The following ADK variants were observed in gnomAD, a reference collection of about 807,000 sequenced individuals.
The protein encoded by ADK is adenosine kinase.
In ADK, 24 loss-of-function variants were observed where a neutral mutation model predicts 44.7. That is an observed-to-expected ratio of 0.54 (90% CI 0.39 to 0.76). The LOEUF (loss-of-function observed/expected upper bound fraction) is 0.76, where lower values mean the gene tolerates loss of function less well. Among genes scored for constraint, ADK ranks in the 30% least tolerant of loss-of-function variants. ADK has a pLI of 0.00. For synonymous variants in ADK, 128 were observed against 142.6 expected, an observed-to-expected ratio of 0.90 and a Z score of 0.73; for missense variants, 321 against 425.1, an observed-to-expected ratio of 0.76 and a Z score of 2.15.
At chr10:74,172,827 A>G (rs1047086516) in intron 1 of ADK, among the ~76,000 whole-genome samples, 1 of 150,182 alleles carries the variant, frequency 6.7e-6, no homozygotes, top group African/African-American at 2.5e-5. Context: ...GATTGCTTGA[A>G]CCCGGGAGGC....
chr10:74,257,649 G>A (rs1272766866), intron 3 of ADK, among the ~76,000 whole-genome samples: 4 of 151,938 alleles, frequency 2.6e-5, no homozygotes, highest in Non-Finnish European at 5.9e-5. Flanking sequence ...TCATAACTAT[G>A]AATAATGAGT....
intron 1 of ADK, among the ~76,000 whole-genome samples, chr10:74,193,386 G>A (rs1473177993): frequency 6.6e-6 from 1 of 151,986 alleles, no homozygotes; most frequent in Admixed American, 6.6e-5. Context: ...ATCTCCTAAT[G>A]CTATCCCTCC....
chr10:74,238,579 G>A (rs1005151700), intron 3 of ADK, among the ~76,000 whole-genome samples: 3 of 152,092 alleles, frequency 2.0e-5, no homozygotes, highest in African/African-American at 7.2e-5. Context: ...CAGTAACCAA[G>A]ATATAAAAAT....
chr10:74,151,736 A>C (rs923009806), intron 1 of ADK, among the ~76,000 whole-genome samples: 1 of 152,156 alleles, frequency 6.6e-6, no homozygotes, highest in East Asian at 1.9e-4. Flanking sequence ...ACTGCTGTAC[A>C]CTGGGGCAAA....
intron 3 of ADK, among the ~76,000 whole-genome samples, chr10:74,250,991 C>T (rs1845632019): frequency 2.0e-5 from 3 of 152,130 alleles, no homozygotes. Flanking sequence ...ATTCTTCCAT[C>T]TCAGTCTCCC....
intron 1 of ADK, among the ~76,000 whole-genome samples, chr10:74,180,567 T>TC (rs1343185316): frequency 6.6e-6 from 1 of 150,660 alleles, no homozygotes; most frequent in African/African-American, 2.4e-5. Context: ...CATGCCATTC[T>TC]CCTGCCTCAG....
chr10:74,578,245 C>A (rs1165324766), intron 7 of ADK, among the ~76,000 whole-genome samples: 2 of 152,216 alleles, frequency 1.3e-5, no homozygotes, highest in African/African-American at 2.4e-5. Context: ...TCAGTGAATT[C>A]TTTCTCATTA....
At chr10:74,476,392 T>C (rs1312059458) in intron 6 of ADK, among the ~76,000 whole-genome samples, 1 of 151,750 alleles carries the variant, frequency 6.6e-6, no homozygotes, top group African/African-American at 2.4e-5. Flanking sequence ...CTCGGGAGGC[T>C]GAGGCAAGAG....
intron 6 of ADK, among the ~76,000 whole-genome samples, chr10:74,459,445 GC>G (rs1254092294): frequency 6.6e-6 from 1 of 151,590 alleles, no homozygotes; most frequent in Non-Finnish European, 1.5e-5. Flanking sequence ...AAAAAGTTAG[GC>G]TCAGCCGGGT....
In ADK at chr10:74,389,491, A is replaced by T. The variant is rs778236862; in HGVS notation, c.274-4650A>T. ...CAAATTACTTGTTAAATTTTCCTAA[A>T]CTGATTTTTAAAAATCTATTTCATT... On this transcript the variant is annotated intron_variant, in intron 4 of 10. Transcript: ENST00000539909. Among the ~76,000 whole-genome samples, 3 of 152,252 alleles carry T rather than the reference A, an allele frequency of 2.0e-5. No individual in the cohort carries two copies. In the South Asian group the frequency reaches 6.2e-4, roughly 32 times the overall value.
chr10:74,626,037 T>A (rs758217511), intron 9 of ADK, among the ~76,000 whole-genome samples: 44 of 152,198 alleles, frequency 2.9e-4, no homozygotes, highest in Non-Finnish European at 5.6e-4. Context: ...TAGTTGATAA[T>A]AAATTAGGAA....
At chr10:74,474,777 C>T (rs1039448142) in intron 6 of ADK, among the ~76,000 whole-genome samples, 1 of 152,148 alleles carries the variant, frequency 6.6e-6, no homozygotes, top group Non-Finnish European at 1.5e-5. Context: ...TCACAACTCG[C>T]CCTTCCAAAG....
intron 4 of ADK, among the ~76,000 whole-genome samples, chr10:74,385,304 G>A (rs1157992020): frequency 1.3e-5 from 2 of 152,084 alleles, no homozygotes; most frequent in African/African-American, 4.8e-5. Context: ...AGGCAAAATA[G>A]GGTTGAGTAG....
chr10:74,505,170 TC>T (rs1301430941), intron 6 of ADK, among the ~76,000 whole-genome samples: 1 of 152,130 alleles, frequency 6.6e-6, no homozygotes, highest in Non-Finnish European at 1.5e-5. Context: ...CGTTGTAATT[TC>T]TGTCTTATTT....
chr10:74,484,146 G>A (rs1847182619), intron 6 of ADK, among the ~76,000 whole-genome samples: 3 of 152,118 alleles, frequency 2.0e-5, no homozygotes, highest in Non-Finnish European at 4.4e-5. Flanking sequence ...GGTTTAATTG[G>A]CTCATAGTTC....
At chr10:74,383,386 GTCTGTCTCTGTC>G (rs57151626) in intron 4 of ADK, among the ~76,000 whole-genome samples, 213 of 150,450 alleles carry the variant, frequency 1.4e-3, no homozygotes, top group African/African-American at 4.9e-3. Context: ...TAGTCAGTCT[GTCTGTCTCTGTC>G]TCTGTCTCTG....
chr10:74,389,615 G>T (rs1300960558), intron 4 of ADK, among the ~76,000 whole-genome samples: 3 of 151,276 alleles, frequency 2.0e-5, no homozygotes, highest in Admixed American at 6.6e-5. Flanking sequence ...TTTTAGGCTT[G>T]TTAAACTCTG....
intron 6 of ADK, among the ~76,000 whole-genome samples, chr10:74,488,967 C>T (rs1040733796): frequency 1.3e-5 from 2 of 151,766 alleles, no homozygotes; most frequent in African/African-American, 4.8e-5. Flanking sequence ...TAATACATAC[C>T]AGTTTCTTAG....
At chr10:74,254,911 T>C (rs1166492815) in intron 3 of ADK, among the ~76,000 whole-genome samples, 1 of 152,236 alleles carries the variant, frequency 6.6e-6, no homozygotes, top group Non-Finnish European at 1.5e-5. Flanking sequence ...GTTCAAACTT[T>C]TTAATAACTA....
Sources: gnomAD v4.1 joint callset for allele counts (sites outside exome capture counted in the v4.1 genomes callset) on GRCh38, gnomAD v4.1.1 for gene constraint, MANE v1.5 for transcripts, NCBI Gene and HGNC (gene_info 2026-07-23, HGNC 2026-07-21) for gene names.